KCNK13: variants seen among roughly 807,000 people sequenced by gnomAD.
KCNK13 encodes the protein potassium channel subfamily K member 13.
A neutral mutation model predicts 23.4 loss-of-function variants in KCNK13; 12 were observed. That is an observed-to-expected ratio of 0.51 (90% CI 0.33 to 0.83). The LOEUF (loss-of-function observed/expected upper bound fraction) is 0.83. KCNK13 is among the 40% of genes least tolerant of loss of function. The pLI, the probability that KCNK13 is intolerant of heterozygous loss-of-function variation, is 0.02. For synonymous variants in KCNK13, 231 were observed against 229.5 expected (o/e 1.01, Z -0.06); for missense variants, 463 against 556.3 (o/e 0.83, Z 1.69).
At chr14:90,118,536 G>C (rs1168020480) in intron 1 of KCNK13, among the ~76,000 whole-genome samples, 1 of 152,112 alleles carries the variant, frequency 6.6e-6, no homozygotes, top group Non-Finnish European at 1.5e-5. Flanking sequence ...TCCACCTTTT[G>C]GCTTTTATGA....
chr14:90,075,629 C>T (rs1427652398), intron 1 of KCNK13, among the ~76,000 whole-genome samples: 1 of 152,140 alleles, frequency 6.6e-6, no homozygotes, highest in African/African-American at 2.4e-5. Flanking sequence ...CAGGCGTGCA[C>T]CACCATGCTC....
chr14:90,115,295 C>T (rs775765317), intron 1 of KCNK13, among the ~76,000 whole-genome samples: 1 of 152,164 alleles, frequency 6.6e-6, no homozygotes, highest in Non-Finnish European at 1.5e-5. Flanking sequence ...AAACGTTCCT[C>T]ACATGATTCT....
intron 1 of KCNK13, among the ~76,000 whole-genome samples, chr14:90,169,359 C>T (rs4904639): frequency 0.24 from 36,713 of 152,064 alleles, 5,718 homozygotes; most frequent in East Asian, 0.64. Context: ...ATTTCTAGTA[C>T]TTTATTTCCT....
rs957439184 is a variant in KCNK13 at position 90,078,489 on chromosome 14, A to G, written c.334+15950A>G. ...GGAGGGAGGGAAGGAAGGAAGGAAG[A>G]AAGGAGAAAGGAAAGAAAGAAAAAG... On this transcript the variant is annotated intron_variant, in intron 1 of 1. Transcript: ENST00000282146. Among the ~76,000 whole-genome samples the G allele has an allele frequency of 6.6e-5, 10 of 151,326 alleles. 1 individual carries two copies. The highest frequency in any genetic ancestry group is 3.9e-4 in the East Asian group (2 of 5,176).
chr14:90,111,170 G>A (rs994486140), intron 1 of KCNK13, among the ~76,000 whole-genome samples: 9 of 152,066 alleles, frequency 5.9e-5, no homozygotes, highest in Admixed American at 1.3e-4. Flanking sequence ...CAGATCTTGC[G>A]GATCTTTGCA....
chr14:90,136,575 C>A (rs1305194096), intron 1 of KCNK13, among the ~76,000 whole-genome samples: 2 of 151,890 alleles, frequency 1.3e-5, no homozygotes, highest in African/African-American at 4.8e-5. Flanking sequence ...GCAAAATAAT[C>A]AATACCCATG....
intron 1 of KCNK13, among the ~76,000 whole-genome samples, chr14:90,063,596 G>T (rs1888972121): frequency 1.3e-5 from 2 of 152,130 alleles, no homozygotes; most frequent in South Asian, 4.1e-4. Flanking sequence ...AAAAAGGCTG[G>T]CAGTTGCAAA....
At chr14:90,074,190 G>A (rs1344259127) in intron 1 of KCNK13, among the ~76,000 whole-genome samples, 1 of 152,016 alleles carries the variant, frequency 6.6e-6, no homozygotes, top group Admixed American at 6.6e-5. Context: ...GGCTGGTCTC[G>A]AACTCCTGAC....
chr14:90,162,927 A>T (rs1890266168), intron 1 of KCNK13, among the ~76,000 whole-genome samples: 1 of 152,234 alleles, frequency 6.6e-6, no homozygotes, highest in African/African-American at 2.4e-5. Flanking sequence ...CCAACCAATA[A>T]GAAAAACCAT....
At chr14:90,087,139 T>TACATATATATAC (rs1566949156) in intron 1 of KCNK13, among the ~76,000 whole-genome samples, 7 of 112,978 alleles carry the variant, frequency 6.2e-5, no homozygotes, top group African/African-American at 2.2e-4. Context: ...CATATATATA[T>TACATATATATAC]ATATATATAT....
chr14:90,178,262 C>T (rs1890446257), intron 1 of KCNK13, among the ~76,000 whole-genome samples: 2 of 134,198 alleles, frequency 1.5e-5, no homozygotes, highest in Non-Finnish European at 1.6e-5. Flanking sequence ...AAAAAGGATA[C>T]CCTGATGTGA....
intron 1 of KCNK13, among the ~76,000 whole-genome samples, chr14:90,098,116 A>C (rs1012923516): frequency 6.6e-5 from 10 of 152,156 alleles, no homozygotes; most frequent in African/African-American, 2.4e-4. Context: ...CATGTGCCAC[A>C]CATTCACCTG....
intron 1 of KCNK13, among the ~76,000 whole-genome samples, chr14:90,107,335 A>G (rs946236393): frequency 7.9e-5 from 12 of 152,016 alleles, no homozygotes; most frequent in South Asian, 4.2e-4. Context: ...AAAATTAGCC[A>G]GGCGTGGTGG....
chr14:90,146,346 C>T (rs770000949), intron 1 of KCNK13, among the ~76,000 whole-genome samples: 16 of 152,094 alleles, frequency 1.1e-4, no homozygotes, highest in Non-Finnish European at 1.5e-4. Flanking sequence ...GGGGCAATCT[C>T]GCTCTGTCAC....
In KCNK13 at chr14:90,124,469, A is replaced by T. The variant is rs528544455; in HGVS notation, c.335-59642A>T. Among the ~76,000 whole-genome samples the T allele has an allele frequency of 6.6e-5, 10 of 152,360 alleles. No individual in the cohort carries two copies. In the South Asian group the frequency reaches 1.9e-3, roughly 28 times the overall value. On this transcript the variant is annotated intron_variant, in intron 1 of 1. Coordinates refer to ENST00000282146, the MANE Select transcript of KCNK13 (RefSeq NM_022054.4). ...AGAAGAGATTCAAAGCATGAAATGG[A>T]TCACACCCACCATTGCTGCCTTTTA...
At chr14:90,159,379 T>C (rs1890227969) in intron 1 of KCNK13, among the ~76,000 whole-genome samples, 1 of 152,242 alleles carries the variant, frequency 6.6e-6, no homozygotes, top group Admixed American at 6.5e-5. Flanking sequence ...AGGGCCTGCC[T>C]GTCCTCTCTT....
chr14:90,108,349 A>G (rs1232386512), intron 1 of KCNK13, among the ~76,000 whole-genome samples: 3 of 152,096 alleles, frequency 2.0e-5, no homozygotes, highest in Non-Finnish European at 2.9e-5. Flanking sequence ...CTATGTTTCT[A>G]CAGACTCCTT....
At chr14:90,149,482 G>T (rs539945292) in intron 1 of KCNK13, among the ~76,000 whole-genome samples, 40 of 152,360 alleles carry the variant, frequency 2.6e-4, no homozygotes, top group South Asian at 6.2e-4. Flanking sequence ...AGGCAAGAGG[G>T]CACATGCAGG....
At chr14:90,155,929 T>G (rs12878419) in intron 1 of KCNK13, among the ~76,000 whole-genome samples, 1 of 152,138 alleles carries the variant, frequency 6.6e-6, no homozygotes, top group Non-Finnish European at 1.5e-5. Context: ...ACAGGCCAGG[T>G]GTGGTGGCTC....
Sources: gnomAD v4.1 joint callset for allele counts (sites outside exome capture counted in the v4.1 genomes callset) on GRCh38, gnomAD v4.1.1 for gene constraint, MANE v1.5 for transcripts, NCBI Gene and HGNC (gene_info 2026-07-23, HGNC 2026-07-21) for gene names.